RAB39A: variants seen among roughly 807,000 people sequenced by gnomAD.
RAB39A encodes the protein ras-related protein Rab-39A.
A neutral mutation model predicts 20.9 loss-of-function variants in RAB39A; 17 were observed. The ratio of observed to expected loss-of-function variants is 0.81; its 90% CI spans 0.56 to 1.22. The LOEUF is 1.22. RAB39A is among the 50% of genes most tolerant of loss of function. RAB39A has a pLI of 0.00. For missense variants in RAB39A, 234 were observed against 270.5 expected (o/e 0.87, Z 0.95); for synonymous variants, 99 against 103.4 (o/e 0.96, Z 0.26).
chr11:107,943,698 T>C (rs1018638963), intron 1 of RAB39A, among the ~76,000 whole-genome samples: 1 of 152,176 alleles, frequency 6.6e-6, no homozygotes, highest in Admixed American at 6.5e-5. Flanking sequence ...ACATTCAAGG[T>C]CCATACAGTC....
At chr11:107,947,058 T>A (rs1273725919) in intron 1 of RAB39A, among the ~76,000 whole-genome samples, 1 of 150,650 alleles carries the variant, frequency 6.6e-6, no homozygotes, top group African/African-American at 2.4e-5. Flanking sequence ...AAAAAAAAAA[T>A]CTCAAAAGGT....
At chr11:107,935,595 C>T (rs946895535) in intron 1 of RAB39A, among the ~76,000 whole-genome samples, 1 of 152,038 alleles carries the variant, frequency 6.6e-6, no homozygotes, top group African/African-American at 2.4e-5. Flanking sequence ...AGGCTTGTCT[C>T]GAACTCCTGA....
chr11:107,956,733 C>T (rs1350338697), intron 1 of RAB39A, among the ~76,000 whole-genome samples: 1 of 152,140 alleles, frequency 6.6e-6, no homozygotes, highest in Non-Finnish European at 1.5e-5. Context: ...GTGACACCAG[C>T]CTGCCTGGTT....
At chr11:107,939,462 A>T (rs1861237123) in intron 1 of RAB39A, among the ~76,000 whole-genome samples, 1 of 150,976 alleles carries the variant, frequency 6.6e-6, no homozygotes, top group Non-Finnish European at 1.5e-5. Flanking sequence ...AAAAAAAAAA[A>T]AAATTAGCCG....
chr11:107,935,058 CT>C (rs1244584281), intron 1 of RAB39A, among the ~76,000 whole-genome samples: 1 of 152,010 alleles, frequency 6.6e-6, no homozygotes, highest in African/African-American at 2.4e-5. Flanking sequence ...GTTTTTTCCC[CT>C]AGCTCCTCTT....
intron 1 of RAB39A, among the ~76,000 whole-genome samples, chr11:107,947,577 C>T (rs925082079): frequency 3.3e-5 from 5 of 151,660 alleles, no homozygotes; most frequent in African/African-American, 1.2e-4. Context: ...ATTAGAATGG[C>T]CCACCACAAT....
At chr11:107,947,807 CAAAAAAAAAA>C (rs35694249) in intron 1 of RAB39A, among the ~76,000 whole-genome samples, 7 of 80,224 alleles carry the variant, frequency 8.7e-5, no homozygotes, top group South Asian at 1.2e-3. Flanking sequence ...CATCAACAGG[CAAAAAAAAAA>C]AAAAAAAAAA....
chr11:107,929,485 GGTGTGTGT>G (rs10687737), intron 1 of RAB39A, among the ~76,000 whole-genome samples: 2 of 149,600 alleles, frequency 1.3e-5, no homozygotes, highest in African/African-American at 4.9e-5. Context: ...CACAGCTGAG[GGTGTGTGT>G]GTGTGTGTGT....
chr11:107,930,977 C>CTTT (rs752665818), intron 1 of RAB39A, among the ~76,000 whole-genome samples: 1 of 141,938 alleles, frequency 7.0e-6, no homozygotes. Flanking sequence ...TGTTTTTTAA[C>CTTT]TTTTTTTTTT....
chr11:107,950,085 C>CA (rs1307337410), intron 1 of RAB39A, among the ~76,000 whole-genome samples: 3 of 151,678 alleles, frequency 2.0e-5, no homozygotes, highest in Non-Finnish European at 4.4e-5. Flanking sequence ...GAGGCTGAGG[C>CA]AGGAGAATGG....
intron 1 of RAB39A, among the ~76,000 whole-genome samples, chr11:107,936,274 A>G (rs1178724926): frequency 1.3e-5 from 2 of 151,856 alleles, no homozygotes. Flanking sequence ...CCTCCAGCTT[A>G]TTTTTATTTT....
At chr11:107,949,335 GAA>G (rs1861350883) in intron 1 of RAB39A, among the ~76,000 whole-genome samples, 2 of 152,072 alleles carry the variant, frequency 1.3e-5, no homozygotes, top group South Asian at 4.2e-4. Context: ...AGAACAAAAA[GAA>G]TGATGTTTAA....
chr11:107,930,821 A>C (rs902276233), intron 1 of RAB39A, among the ~76,000 whole-genome samples: 2 of 151,764 alleles, frequency 1.3e-5, no homozygotes, highest in African/African-American at 4.8e-5. Flanking sequence ...ACGCCACTGC[A>C]CTCCAGCCTG....
At chr11:107,953,018 T>C (rs1413402600) in intron 1 of RAB39A, among the ~76,000 whole-genome samples, 1 of 152,182 alleles carries the variant, frequency 6.6e-6, no homozygotes, top group African/African-American at 2.4e-5. Flanking sequence ...GGCTGTGGGC[T>C]GGGGAAATTG....
In RAB39A at chr11:107,935,666, G is replaced by A. The variant is rs183250793; in HGVS notation, c.227+6871G>A. Among the ~76,000 whole-genome samples, 66 of 151,550 alleles carry A rather than the reference G, an allele frequency of 4.4e-4. No individual in the cohort carries two copies. In the Middle Eastern group the frequency reaches 0.01, roughly 24 times the overall value. ...GCTGGGATTACAGGTGTGAGCCACC[G>A]CGCCCAGCTAATAAAGGATTAATTT... is the stretch of plus-strand genomic sequence containing the variant. On this transcript the variant is annotated intron_variant, in intron 1 of 1. Transcript: ENST00000320578.
chr11:107,938,208 C>G (rs1012200733), intron 1 of RAB39A, among the ~76,000 whole-genome samples: 1 of 151,298 alleles, frequency 6.6e-6, no homozygotes, highest in African/African-American at 2.4e-5. Context: ...ACTAAAAATA[C>G]AAAAATTAGC....
At chr11:107,946,454 ATATATATTTTTTTT>A (rs1565464313) in intron 1 of RAB39A, among the ~76,000 whole-genome samples, 78 of 61,912 alleles carry the variant, frequency 1.3e-3, no homozygotes, top group Non-Finnish European at 1.3e-3. Context: ...ATATATATAT[ATATATATTTTTTTT>A]TTTTTTTTTT....
intron 1 of RAB39A, among the ~76,000 whole-genome samples, chr11:107,931,642 G>A (rs957708857): frequency 3.3e-5 from 5 of 152,036 alleles, no homozygotes; most frequent in African/African-American, 1.2e-4. Context: ...AGGTACTGTA[G>A]GTCATGAAGA....
rs73553031 is a variant in RAB39A, at chr11:107,942,823, G to A, written c.227+14028G>A. On this transcript the variant is annotated intron_variant, in intron 1 of 1. Transcript: ENST00000320578. ...TGTGTGTGTGTGTATGTCTCCAGAG[G>A]GCAAGCTAGAATTTTGTATAATTTC... is the stretch of plus-strand genomic sequence containing the variant. 6.5e-3 allele frequency among the ~76,000 whole-genome samples: 990 copies of A among 151,996 alleles called. 10 individuals carry two copies. The highest frequency in any genetic ancestry group is 0.023 in the African/African-American group (942 of 41,420).
Sources: gnomAD v4.1 joint callset for allele counts (sites outside exome capture counted in the v4.1 genomes callset) on GRCh38, gnomAD v4.1.1 for gene constraint, MANE v1.5 for transcripts, NCBI Gene and HGNC (gene_info 2026-07-23, HGNC 2026-07-21) for gene names.